The following SLC9C2 variants were observed in gnomAD, a reference collection of about 807,000 sequenced individuals.
The protein encoded by SLC9C2 is solute carrier family 9 member C2 (putative).
Under a neutral mutation model 140.2 loss-of-function variants are expected in SLC9C2, and 75 were observed. The observed-to-expected ratio is 0.53, with a 90% CI of 0.44 to 0.65. The LOEUF is 0.65. Among genes scored for constraint, SLC9C2 ranks in the 30% least tolerant of loss-of-function variants. The probability of loss-of-function intolerance (pLI) is 0.00; values close to 1 mark genes in which losing one functional copy is unlikely to be tolerated. For missense variants in SLC9C2, 1,074 were observed against 1,331.8 expected, an observed-to-expected ratio of 0.81 and a Z score of 3.01; for synonymous variants, 375 against 420.9, an observed-to-expected ratio of 0.89 and a Z score of 1.34.
intron 26 of SLC9C2, among the ~76,000 whole-genome samples, chr1:173,504,306 C>T (rs981567012): frequency 3.9e-5 from 6 of 152,154 alleles, no homozygotes; most frequent in Non-Finnish European, 5.9e-5. Context: ...TCTGTCTCTC[C>T]TCCCTATGAA....
chr1:173,592,763 A>G (rs1202113703), intron 4 of SLC9C2, among the ~76,000 whole-genome samples: 1 of 152,192 alleles, frequency 6.6e-6, no homozygotes, highest in Non-Finnish European at 1.5e-5. Context: ...GGCTGAGATT[A>G]TGGGGTTTTC....
At position 173,548,513 on chromosome 1, in the gene SLC9C2, T is replaced by G; in HGVS notation, c.1337A>C (p.Gln446Pro). The change falls in exon 12 of 28, where the codon CAA (glutamine) becomes CCA (proline). Residue 446 changes from glutamine (Q) to proline (P), a missense_variant. By Grantham distance (76) the Gln-to-Pro change is moderately conservative. Transcript: ENST00000367714. ...CTCCTGTATGTGCTGAGTGGCATTT[T>G]GCAAGATCATTTGTCTTGGGAGGGA... ...VLSLPRQMIL[Q>P]NATQHIQEIV... 6.2e-7 allele frequency: 1 copy of G among 1,613,868 alleles called. No homozygotes were observed. The highest frequency in any genetic ancestry group is 1.1e-5 in the South Asian group (1 of 91,078).
At position 173,598,020 on chromosome 1, in the gene SLC9C2, C is replaced by T. The variant is rs772361795; in HGVS notation, c.241G>A (p.Val81Ile). 6.3e-7 allele frequency: 1 copy of T among 1,586,228 alleles called. No homozygotes were observed. The highest frequency in any genetic ancestry group is 8.6e-7 in the Non-Finnish European group (1 of 1,167,964). ...CTTGATGTTCTTAGAAGAGGGTAGA[C>T]AATTTGGTGCACCTAAAGTAACAAA... ...AYNSVEVHQI[V>I]YPLLRTSSFS... The change falls in exon 4 of 28, where the codon GTC (valine) becomes ATC (isoleucine). Residue 81 changes from valine to isoleucine, a missense_variant. By Grantham distance (29) the Val-to-Ile change is conservative (BLOSUM62 3). Transcript: ENST00000367714.
chr1:173,520,090 G>C (rs1660703278), intron 22 of SLC9C2, among the ~76,000 whole-genome samples: 1 of 152,186 alleles, frequency 6.6e-6, no homozygotes, highest in Non-Finnish European at 1.5e-5. Flanking sequence ...AGACCTTGCA[G>C]TGAGCTGAGA....
At chr1:173,595,812 C>G (rs1666418713) in intron 4 of SLC9C2, among the ~76,000 whole-genome samples, 1 of 152,096 alleles carries the variant, frequency 6.6e-6, no homozygotes, top group African/African-American at 2.4e-5. Context: ...GTAAAATCTA[C>G]TCTTTTGGTG....
At chr1:173,539,117 G>A (rs1289881324) in intron 13 of SLC9C2, among the ~76,000 whole-genome samples, 1 of 152,146 alleles carries the variant, frequency 6.6e-6, no homozygotes, top group African/African-American at 2.4e-5. Flanking sequence ...AAACTAATTT[G>A]AGCATGGAAA....
chr1:173,514,776 G>T (rs943724234), intron 23 of SLC9C2, among the ~76,000 whole-genome samples: 1 of 152,144 alleles, frequency 6.6e-6, no homozygotes, highest in Non-Finnish European at 1.5e-5. Context: ...GAGTGTTTTT[G>T]CAGTGGCTGG....
At chr1:173,534,299 A>G (rs1343082644) in intron 16 of SLC9C2, among the ~76,000 whole-genome samples, 185 bp downstream of exon 16, 1 of 152,098 alleles carries the variant, frequency 6.6e-6, no homozygotes, top group Admixed American at 6.5e-5. Flanking sequence ...GTCCAATACC[A>G]TGACTCTTAT....
chr1:173,579,574 T>G (rs886282801), intron 7 of SLC9C2, among the ~76,000 whole-genome samples: 1 of 152,202 alleles, frequency 6.6e-6, no homozygotes, highest in African/African-American at 2.4e-5. Context: ...GTGTCTCAAT[T>G]GTTTAAGGAC....
At chr1:173,535,689 A>G (rs1661900309) in intron 15 of SLC9C2, 141 bp downstream of exon 15, 4 of 1,012,014 alleles carry the variant, frequency 4.0e-6, no homozygotes, top group Non-Finnish European at 2.7e-6. Context: ...ATGGAAGAAG[A>G]GAAGCAAGCA....
chr1:173,513,248 C>T (rs542248208), intron 23 of SLC9C2, among the ~76,000 whole-genome samples: 6 of 152,268 alleles, frequency 3.9e-5, no homozygotes, highest in African/African-American at 7.2e-5. Context: ...GTACCAGCTT[C>T]TCTTTGTATC....
chr1:173,532,086 G>C (rs894155140), intron 17 of SLC9C2, among the ~76,000 whole-genome samples: 6 of 152,160 alleles, frequency 3.9e-5, no homozygotes, highest in African/African-American at 1.4e-4. Context: ...CTAAAGTTTG[G>C]TCACACCAAT....
At chr1:173,566,155 C>T (rs12080166) in intron 9 of SLC9C2, among the ~76,000 whole-genome samples, 24,925 of 151,910 alleles carry the variant, frequency 0.16, 6,785 homozygotes, top group African/African-American at 0.57. Context: ...TTTGATGTGT[C>T]TTTGTCTGGT....
intron 10 of SLC9C2, among the ~76,000 whole-genome samples, chr1:173,555,513 T>C (rs1663612587): frequency 6.6e-6 from 1 of 152,162 alleles, no homozygotes; most frequent in African/African-American, 2.4e-5. Context: ...ACTCCCGCTG[T>C]GGGTTGTGAT....
chr1:173,593,545 AT>A (rs1666288377), intron 4 of SLC9C2, among the ~76,000 whole-genome samples: 1 of 152,164 alleles, frequency 6.6e-6, no homozygotes, highest in South Asian at 2.1e-4. Flanking sequence ...TTCAATGTAA[AT>A]GGACTAAATG....
intron 10 of SLC9C2, among the ~76,000 whole-genome samples, chr1:173,555,037 CAGT>C (rs1663575756): frequency 6.6e-6 from 1 of 152,204 alleles, no homozygotes; most frequent in Non-Finnish European, 1.5e-5. Flanking sequence ...ATGAGGAAAA[CAGT>C]AGACTGGAGA....
At chr1:173,546,469 T>TACCAG (rs1471620359) in intron 13 of SLC9C2, among the ~76,000 whole-genome samples, 1 of 152,172 alleles carries the variant, frequency 6.6e-6, no homozygotes, top group Non-Finnish European at 1.5e-5. Flanking sequence ...TAATTCCAGC[T>TACCAG]ACCAGGGAGG....
chr1:173,534,886 A>G (rs1661830851), intron 15 of SLC9C2, among the ~76,000 whole-genome samples: 1 of 152,030 alleles, frequency 6.6e-6, no homozygotes, highest in African/African-American at 2.4e-5. Flanking sequence ...AAAAATCCAT[A>G]TCAGGGATGA....
At chr1:173,544,582 C>T (rs532104879) in intron 13 of SLC9C2, among the ~76,000 whole-genome samples, 1 of 152,236 alleles carries the variant, frequency 6.6e-6, no homozygotes, top group South Asian at 2.1e-4. Context: ...GCATCATTCA[C>T]AATAGCAAAG....
Sources: allele counts gnomAD v4.1 joint callset (sites outside exome capture counted in the v4.1 genomes callset), GRCh38; gene constraint gnomAD v4.1.1; transcripts MANE v1.5; gene names NCBI Gene and HGNC (gene_info 2026-07-23, HGNC 2026-07-21).